FAM120A: variants seen among roughly 807,000 people sequenced by gnomAD.
The protein encoded by FAM120A is constitutive coactivator of PPAR-gamma-like protein 1.
Under a neutral mutation model 109.7 loss-of-function variants are expected in FAM120A, and 15 were observed. That is an observed-to-expected ratio of 0.14 (90% CI 0.09 to 0.21). The LOEUF is 0.21. Among genes scored for constraint, FAM120A ranks in the 10% least tolerant of loss-of-function variants. The pLI is 1.00. For missense variants in FAM120A, 899 were observed against 1,439.3 expected, an observed-to-expected ratio of 0.62 and a Z score of 6.07; for synonymous variants, 493 against 572.8, an observed-to-expected ratio of 0.86 and a Z score of 1.99.
intron 1 of FAM120A, among the ~76,000 whole-genome samples, chr9:93,470,812 T>C (rs1858275757): frequency 6.6e-6 from 1 of 152,206 alleles, no homozygotes; most frequent in South Asian, 2.1e-4. Context: ...TCCCCCTCTC[T>C]TTCTTGAAAA....
chr9:93,483,051 C>A (rs935089409), intron 3 of FAM120A, among the ~76,000 whole-genome samples: 1 of 152,122 alleles, frequency 6.6e-6, no homozygotes, highest in South Asian at 2.1e-4. Context: ...CTTGATCTTT[C>A]TGAAATCTTT....
rs760923838 is a variant in FAM120A, at chr9:93,561,192, C to T, written c.2890C>T (p.Arg964Cys). Reference protein sequence around the residue: ...VGHWAGSRRGRGGRGPFPLQV... With the variant: ...VGHWAGSRRGCGGRGPFPLQV... ...CCATTGGGCTGGGAGCAGGCGGGGC[C>T]GTGGGGGCCGGGGGCCTTTCCCCCT... The change falls in exon 16 of 18, where the codon CGT becomes TGT. Residue 964 changes from arginine (R) to cysteine (C), a missense_variant. Physicochemically the swap from Arg to Cys is radical, Grantham distance 180. Coordinates refer to ENST00000277165, the MANE Select transcript of FAM120A (RefSeq NM_014612.5). 9.9e-6 allele frequency: 16 copies of T among 1,613,572 alleles called. No individual in the cohort carries two copies. The highest frequency in any genetic ancestry group is 1.4e-5 in the Non-Finnish European group (16 of 1,179,924).
At chr9:93,555,896 T>C (rs1357028059) in intron 12 of FAM120A, among the ~76,000 whole-genome samples, 3 of 152,278 alleles carry the variant, frequency 2.0e-5, no homozygotes, top group Admixed American at 6.5e-5. Flanking sequence ...TATTTTAGAA[T>C]GTAATTATAC....
Position 93,498,808 on chromosome 9 carries a change from G to A in FAM120A, c.952G>A (p.Val318Ile), listed in dbSNP as rs746099876. The change falls in exon 5 of 18, where the codon GTT becomes ATT. Residue 318 changes from valine to isoleucine, a missense_variant. Coordinates refer to ENST00000277165, the MANE Select transcript of FAM120A (RefSeq NM_014612.5). This position sits in a 1 kb window ranked among gnomAD's most constrained non-coding sequence, Gnocchi z 4.4. Reference protein sequence around the residue: ...QHSQSRTDDKVIRFKRAIGYY... With the variant: ...QHSQSRTDDKIIRFKRAIGYY... ...ATTTCAGTCTAGAACAGATGACAAA[G>A]TTATTCGATTTAAGAGAGCAATTGG... The A allele has an allele frequency of 2.4e-5, 38 of 1,611,088 alleles. No individual in the cohort carries two copies. Among genetic ancestry groups the A allele is most frequent in the Non-Finnish European group, 3.0e-5 (35 of 1,177,428 alleles).
At chr9:93,563,623 C>T (rs1288523043) in intron 17 of FAM120A, among the ~76,000 whole-genome samples, 1 of 152,218 alleles carries the variant, frequency 6.6e-6, no homozygotes, top group East Asian at 1.9e-4. Context: ...GTCTTCACTG[C>T]CTTCACAGAG....
In FAM120A at chr9:93,498,942, TA is replaced by T; in HGVS notation, c.1030+59del. On this transcript the variant is annotated intron_variant, in intron 5 of 17. Transcript: ENST00000277165. The surrounding 1 kb of genome is among the most constrained non-coding windows in gnomAD (Gnocchi z 4.4). ...GACCATATGATAATCCAAGTAGGTT[TA>T]AATATTCACCATATAATCTTGTAGG... is the stretch of plus-strand genomic sequence containing the variant. The T allele has an allele frequency of 1.9e-6, 2 of 1,052,212 alleles. No homozygotes were observed. Among genetic ancestry groups the T allele is most frequent in the African/African-American group, 1.6e-5 (1 of 63,646 alleles). 65.2% of individuals were successfully genotyped at this position (1,052,212 alleles called of 1,614,324 possible).
intron 4 of FAM120A, among the ~76,000 whole-genome samples, chr9:93,497,815 A>T (rs1054476454): frequency 6.6e-6 from 1 of 152,186 alleles, no homozygotes; most frequent in Non-Finnish European, 1.5e-5. Context: ...AGTCTCAGCC[A>T]CTTCACCCAG....
At chr9:93,473,208 G>C (rs1239105268) in intron 2 of FAM120A, among the ~76,000 whole-genome samples, 1 of 151,884 alleles carries the variant, frequency 6.6e-6, no homozygotes, top group South Asian at 2.1e-4. Context: ...GTAGAGACAG[G>C]GTTTCACCAT....
chr9:93,529,605 G>A, intron 9 of FAM120A, 25 bp downstream of exon 9: 1 of 1,606,924 alleles, frequency 6.2e-7, no homozygotes, highest in South Asian at 1.1e-5. Context: ...GCCCTGGAGT[G>A]GCTTCTGTTA....
intron 1 of FAM120A, among the ~76,000 whole-genome samples, chr9:93,458,566 A>G (rs1564304400): frequency 6.6e-6 from 1 of 152,060 alleles, no homozygotes; most frequent in East Asian, 1.9e-4. Context: ...AATTCACCAT[A>G]TTTATCCAAA....
chr9:93,452,902 GT>G lies in FAM120A; in HGVS notation c.474+515del, dbSNP rs1857338895. On this transcript the variant is annotated intron_variant, in intron 1 of 17. Coordinates refer to ENST00000277165, the MANE Select transcript of FAM120A (RefSeq NM_014612.5). This position sits in a 1 kb window ranked among gnomAD's most constrained non-coding sequence, Gnocchi z 7.0. ...TGCTGCCGCCGCCCTTGCCAATGTTGTTAGCCCGGTGACAGCGAGACGTGTC... is the reference window on the plus strand; with the variant it reads ...TGCTGCCGCCGCCCTTGCCAATGTTGTAGCCCGGTGACAGCGAGACGTGTC... 1 of 1,438,038 alleles carries G rather than the reference GT, an allele frequency of 7.0e-7. No individual in the cohort carries two copies. The highest frequency in any genetic ancestry group is 1.4e-5 in the African/African-American group (1 of 69,456). The allele number at this position is 1,438,038 out of a possible 1,614,324, so 89.1% of individuals were successfully genotyped here. A position where few individuals can be genotyped will look rare whatever the true frequency, so the allele number is the denominator to read the frequency against.
intron 10 of FAM120A, among the ~76,000 whole-genome samples, chr9:93,537,525 A>T (rs1861558014): frequency 6.6e-6 from 1 of 152,230 alleles, no homozygotes; most frequent in Non-Finnish European, 1.5e-5. Context: ...AAACAGGCTT[A>T]TAAGAAGCAG....
At chr9:93,476,568 C>G (rs562875141) in intron 3 of FAM120A, among the ~76,000 whole-genome samples, 1 of 152,150 alleles carries the variant, frequency 6.6e-6, no homozygotes, top group African/African-American at 2.4e-5. Flanking sequence ...GAAAATTTCC[C>G]TTAAGGAATT....
At chr9:93,476,668 A>G (rs1016193058) in intron 3 of FAM120A, among the ~76,000 whole-genome samples, 9 of 152,174 alleles carry the variant, frequency 5.9e-5, no homozygotes, top group Non-Finnish European at 1.2e-4. Context: ...TTTTGTCTTT[A>G]GGTAGTATAG....
chr9:93,564,114 C>A, intron 17 of FAM120A, 115 bp from the exon 18 acceptor site: 1 of 1,024,242 alleles, frequency 9.8e-7, no homozygotes, highest in Admixed American at 2.2e-5. Context: ...AAGGACCCAG[C>A]TGGGCATTTT....
At chr9:93,510,561 TTTATC>T (rs1259496096) in intron 5 of FAM120A, among the ~76,000 whole-genome samples, 1 of 152,204 alleles carries the variant, frequency 6.6e-6, no homozygotes, top group African/African-American at 2.4e-5. Flanking sequence ...CAGAAACTAA[TTTATC>T]TTATTTCATC....
At chr9:93,544,904 A>G (rs570039302) in intron 11 of FAM120A, among the ~76,000 whole-genome samples, 4 of 151,914 alleles carry the variant, frequency 2.6e-5, no homozygotes, top group Non-Finnish European at 5.9e-5. Flanking sequence ...ACCTTTTGTA[A>G]CCGTCTCACA....
intron 3 of FAM120A, among the ~76,000 whole-genome samples, chr9:93,482,972 A>G (rs1417362535): frequency 1.3e-5 from 2 of 152,194 alleles, no homozygotes; most frequent in Non-Finnish European, 2.9e-5. Flanking sequence ...CATTTCAGGC[A>G]CTTTGAGGCT....
intron 5 of FAM120A, among the ~76,000 whole-genome samples, chr9:93,503,178 G>A (rs778783523): frequency 3.9e-5 from 6 of 152,206 alleles, no homozygotes; most frequent in Non-Finnish European, 8.8e-5. Context: ...ATGGTACAGC[G>A]ACTTTGGAAG....
Sources: gnomAD v4.1 joint callset for allele counts (sites outside exome capture counted in the v4.1 genomes callset) on GRCh38, gnomAD v4.1.1 for gene constraint, Gnocchi (gnomAD v3.1) non-coding constraint, MANE v1.5 for transcripts, NCBI Gene and HGNC (gene_info 2026-07-23, HGNC 2026-07-21) for gene names.